The following RERE variants were observed in gnomAD, a reference collection of about 807,000 sequenced individuals.
The protein encoded by RERE is arginine-glutamic acid dipeptide repeats protein.
A neutral mutation model predicts 146.1 loss-of-function variants in RERE; 40 were observed. That is an observed-to-expected ratio of 0.27 (90% CI 0.21 to 0.36). The LOEUF is 0.36. RERE is among the 10% of genes least tolerant of loss of function. The pLI is 1.00. For synonymous variants in RERE, 1,003 were observed against 866.0 expected (o/e 1.16, Z -2.78); for missense variants, 1,933 against 2,138.7 (o/e 0.90, Z 1.90).
intron 7 of RERE, among the ~76,000 whole-genome samples, chr1:8,539,909 A>G (rs1405087432): frequency 2.0e-5 from 3 of 152,026 alleles, no homozygotes; most frequent in Admixed American, 6.6e-5. Context: ...AACCACAACA[A>G]AAAACACGTT....
At chr1:8,554,979 TA>T (rs1198792321) in intron 6 of RERE, among the ~76,000 whole-genome samples, 1 of 152,258 alleles carries the variant, frequency 6.6e-6, no homozygotes, top group Non-Finnish European at 1.5e-5. Flanking sequence ...CAAGTGAGCT[TA>T]AGCTTGGAAA....
intron 1 of RERE, among the ~76,000 whole-genome samples, chr1:8,768,259 A>T (rs1640884271): frequency 6.6e-6 from 1 of 152,226 alleles, no homozygotes; most frequent in African/African-American, 2.4e-5. Context: ...AATTTGATGT[A>T]TGTACTTACA....
rs909539963 is a variant in RERE at position 8,360,444 on chromosome 1, G to C, written c.3063C>G (p.Pro1021=). 3 of 951,908 alleles carry C rather than the reference G, an allele frequency of 3.2e-6. No homozygotes were observed. Among genetic ancestry groups the C allele is most frequent in the Non-Finnish European group, 4.4e-6 (3 of 681,968 alleles). 59.0% of individuals were successfully genotyped at this position (951,908 alleles called of 1,614,324 possible). Residue 1021 remains proline, a synonymous_variant, in exon 18 of 23, where the codon CCC becomes CCG. Coordinates refer to ENST00000400908, the MANE Select transcript of RERE (RefSeq NM_001042681.2). Reference sequence around the variant, plus strand: ...GGGCCACCTGGTGGAGGCCTGTAGGGGGGTGGGAGGCAGGGGGCGGGGGCA... The same window carrying C: ...GGGCCACCTGGTGGAGGCCTGTAGGCGGGTGGGAGGCAGGGGGCGGGGGCA... ...QNLPPPPASH[P]PTGLHQVAPQ... is the part of the protein sequence containing the mutation.
intron 1 of RERE, among the ~76,000 whole-genome samples, chr1:8,814,769 C>A (rs971096082): frequency 2.0e-5 from 3 of 152,116 alleles, no homozygotes; most frequent in Non-Finnish European, 4.4e-5. Context: ...CAGAAATAAA[C>A]CCTCTGGTTT....
At chr1:8,678,221 A>T (rs1163853342) in intron 1 of RERE, among the ~76,000 whole-genome samples, 1 of 152,218 alleles carries the variant, frequency 6.6e-6, no homozygotes, top group Non-Finnish European at 1.5e-5. Flanking sequence ...ATTTTTCATT[A>T]TTCACTAACA....
At chr1:8,530,937 C>G (rs1015754435) in intron 7 of RERE, among the ~76,000 whole-genome samples, 2 of 151,550 alleles carry the variant, frequency 1.3e-5, no homozygotes, top group East Asian at 1.9e-4. Flanking sequence ...ATGATCCACC[C>G]GCCTCGGCCT....
intron 12 of RERE, among the ~76,000 whole-genome samples, chr1:8,383,386 G>C (rs1184665754): frequency 1.3e-5 from 2 of 151,668 alleles, no homozygotes; most frequent in African/African-American, 4.8e-5. Flanking sequence ...GAATGCACCT[G>C]CCAATCTATA....
intron 10 of RERE, among the ~76,000 whole-genome samples, chr1:8,472,886 G>A (rs1388561608): frequency 2.0e-5 from 3 of 150,020 alleles, no homozygotes; most frequent in African/African-American, 7.4e-5. Flanking sequence ...CAATGATCAA[G>A]GAAACATTTA....
At chr1:8,681,835 AAGT>A (rs1320341831) in intron 1 of RERE, among the ~76,000 whole-genome samples, 1 of 152,226 alleles carries the variant, frequency 6.6e-6, no homozygotes, top group East Asian at 1.9e-4. Flanking sequence ...GCCATTAAAT[AAGT>A]AGGACAGGAA....
rs772665407 is a variant in RERE, at chr1:8,358,822, G to A, written c.3713C>T (p.Thr1238Ile). 2 of 1,610,956 alleles carry A rather than the reference G, an allele frequency of 1.2e-6. No individual in the cohort carries two copies. The highest frequency in any genetic ancestry group is 2.2e-5 in the East Asian group (1 of 44,842). The change falls in exon 20 of 23, where the codon ACC becomes ATC. Residue 1238 changes from threonine (T) to isoleucine (I), a missense_variant. Coordinates refer to ENST00000400908, the MANE Select transcript of RERE (RefSeq NM_001042681.2). ...GATGTAGGGGGGCACAGCAGCAATG[G>A]TGGTTGGTGGTGGCTCGAAGGATGG... Reference protein sequence around the residue: ...MRPSFEPPPTTIAAVPPYIGP... With the variant: ...MRPSFEPPPTIIAAVPPYIGP...
At chr1:8,654,583 G>T (rs1345255234) in intron 2 of RERE, among the ~76,000 whole-genome samples, 1 of 151,508 alleles carries the variant, frequency 6.6e-6, no homozygotes, top group Non-Finnish European at 1.5e-5. Context: ...CAAACAAAAT[G>T]ATTTCACCTA....
At chr1:8,464,866 T>C (rs575997357) in intron 11 of RERE, 1 of 152,298 alleles carries the variant, frequency 6.6e-6, no homozygotes, top group African/African-American at 2.4e-5. Flanking sequence ...AGGTCTCCCC[T>C]CTTAAAACTT....
intron 11 of RERE, among the ~76,000 whole-genome samples, chr1:8,458,387 T>TC (rs1268607246): frequency 1.3e-5 from 2 of 151,656 alleles, no homozygotes. Context: ...AGCTGAAGAC[T>TC]CCCCCCATTA....
chr1:8,765,603 G>A (rs972832720), intron 1 of RERE, among the ~76,000 whole-genome samples: 4 of 152,176 alleles, frequency 2.6e-5, no homozygotes, highest in Non-Finnish European at 4.4e-5. Context: ...TGGATCACCC[G>A]AGGTCAGGAG....
At chr1:8,440,543 A>T (rs533233481) in intron 11 of RERE, among the ~76,000 whole-genome samples, 3 of 149,126 alleles carry the variant, frequency 2.0e-5, no homozygotes, top group Non-Finnish European at 4.4e-5. Flanking sequence ...GTAAGCCGAG[A>T]TCATGCCACT....
intron 10 of RERE, among the ~76,000 whole-genome samples, chr1:8,475,811 T>C (rs973885833): frequency 6.6e-5 from 10 of 152,216 alleles, no homozygotes; most frequent in African/African-American, 2.2e-4. Context: ...CATGTAAATG[T>C]TAAAAAACTA....
At chr1:8,589,593 G>A (rs1646468462) in intron 4 of RERE, among the ~76,000 whole-genome samples, 2 of 152,358 alleles carry the variant, frequency 1.3e-5, no homozygotes, top group East Asian at 3.9e-4. Flanking sequence ...GCTAGGTCCT[G>A]TGATAGTCAC....
At chr1:8,701,321 CA>C (rs1462710229) in intron 1 of RERE, among the ~76,000 whole-genome samples, 2 of 21,770 alleles carry the variant, frequency 9.2e-5, no homozygotes, top group Non-Finnish European at 1.7e-4. Flanking sequence ...CACACACACA[CA>C]CGCACACACT....
intron 1 of RERE, among the ~76,000 whole-genome samples, chr1:8,700,881 C>A (rs1050532413): frequency 6.6e-6 from 1 of 152,068 alleles, no homozygotes; most frequent in Non-Finnish European, 1.5e-5. Flanking sequence ...AAATATAATA[C>A]CTACTAATAA....
Sources: allele counts gnomAD v4.1 joint callset (sites outside exome capture counted in the v4.1 genomes callset), GRCh38; gene constraint gnomAD v4.1.1; transcripts MANE v1.5; gene names NCBI Gene and HGNC (gene_info 2026-07-23, HGNC 2026-07-21).